The following HNF4A variants were observed in gnomAD, a reference collection of about 807,000 sequenced individuals.
HNF4A encodes the protein hepatocyte nuclear factor 4 alpha.
Under a neutral mutation model 52.4 loss-of-function variants are expected in HNF4A, and 15 were observed. The observed-to-expected ratio is 0.29, with a 90% confidence interval of 0.19 to 0.44. The LOEUF (loss-of-function observed/expected upper bound fraction) is 0.44, where lower values mean the gene tolerates loss of function less well. Ranked by LOEUF, HNF4A falls within the 20% of genes least tolerant of loss-of-function variation. HNF4A has a pLI of 1.00. For missense variants in HNF4A, 479 were observed against 647.2 expected, an observed-to-expected ratio of 0.74 and a Z score of 2.82; for synonymous variants, 280 against 264.4, an observed-to-expected ratio of 1.06 and a Z score of -0.57.
chr20:44,422,561 T>G (rs2078225127), intron 7 of HNF4A, among the ~76,000 whole-genome samples: 1 of 151,956 alleles, frequency 6.6e-6, no homozygotes, highest in Non-Finnish European at 1.5e-5. Context: ...TATGACCGCT[T>G]AAGTTCCTTT....
At chr20:44,356,521 CT>C (rs1190183858) in intron 1 of HNF4A, among the ~76,000 whole-genome samples, 1 of 152,154 alleles carries the variant, frequency 6.6e-6, no homozygotes, top group East Asian at 1.9e-4. Flanking sequence ...CGTGAGACGT[CT>C]TTACAGTGGA....
At chr20:44,407,216 G>T (rs1390104186) in intron 2 of HNF4A, among the ~76,000 whole-genome samples, 165 bp from the exon 3 acceptor site, 2 of 152,152 alleles carry the variant, frequency 1.3e-5, no homozygotes, top group African/African-American at 2.4e-5. Flanking sequence ...CTCTTAGAGA[G>T]TTCATAGCAC....
At chr20:44,381,558 C>T (rs1226381469) in intron 1 of HNF4A, among the ~76,000 whole-genome samples, 2 of 152,112 alleles carry the variant, frequency 1.3e-5, no homozygotes, top group Admixed American at 6.6e-5. Flanking sequence ...GCTGAGATTA[C>T]AGGCGTGAGC....
chr20:44,385,368 T>A (rs917094042), intron 1 of HNF4A, among the ~76,000 whole-genome samples: 1 of 152,012 alleles, frequency 6.6e-6, no homozygotes, highest in Non-Finnish European at 1.5e-5. Context: ...CTGCCTTTAA[T>A]CCCAGCACTT....
At chr20:44,403,917 C>T (rs1249520654) in intron 1 of HNF4A, among the ~76,000 whole-genome samples, 1 of 152,152 alleles carries the variant, frequency 6.6e-6, no homozygotes, top group African/African-American at 2.4e-5. Flanking sequence ...TGCTGAATGG[C>T]CAGGAGCTGT....
chr20:44,364,013 G>T (rs1170886243), intron 1 of HNF4A, among the ~76,000 whole-genome samples: 1 of 151,930 alleles, frequency 6.6e-6, no homozygotes, highest in African/African-American at 2.4e-5. Flanking sequence ...TTGAGAAATG[G>T]AGGTATGACA....
At chr20:44,375,049 G>T (rs1269719693) in intron 1 of HNF4A, among the ~76,000 whole-genome samples, 1 of 152,002 alleles carries the variant, frequency 6.6e-6, no homozygotes, top group Non-Finnish European at 1.5e-5. Context: ...GATATCAAGG[G>T]TGGGGACAAA....
In HNF4A at chr20:44,364,164, C is replaced by T. The variant is rs141599554; in HGVS notation, c.49+8311C>T. Among the ~76,000 whole-genome samples the T allele has an allele frequency of 4.7e-3, 713 of 152,246 alleles. 4 individuals are homozygous for T. Among genetic ancestry groups the T allele is most frequent in the African/African-American group, 0.016 (674 of 41,562 alleles). On this transcript the variant is annotated intron_variant, in intron 1 of 9. Coordinates refer to the HNF4A transcript ENST00000316673. ...GCTTAGCCTCTCCCCACCCTTCAAC[C>T]TCTGGCTCCATCAGAGACACTTCTT...
intron 1 of HNF4A, among the ~76,000 whole-genome samples, chr20:44,375,016 T>C (rs1000910997): frequency 6.6e-6 from 1 of 152,204 alleles, no homozygotes; most frequent in Non-Finnish European, 1.5e-5. Flanking sequence ...TTTTTTTGAC[T>C]TTTTAATGAC....
chr20:44,356,003 C>T (rs539841375), intron 1 of HNF4A, 150 bp downstream of exon 1: 4 of 691,668 alleles, frequency 5.8e-6, no homozygotes, highest in East Asian at 2.7e-5. Context: ...GCAATGTGAC[C>T]GCTTCCCTAA....
intron 1 of HNF4A, among the ~76,000 whole-genome samples, chr20:44,385,009 G>C (rs1314141523): frequency 1.4e-5 from 2 of 143,110 alleles, no homozygotes; most frequent in Non-Finnish European, 3.0e-5. Context: ...TTTGGGTGGG[G>C]AGGTGGGGAT....
chr20:44,369,249 CAA>C (rs751374772), intron 1 of HNF4A, among the ~76,000 whole-genome samples: 722 of 24,674 alleles, frequency 0.029, no homozygotes, highest in Non-Finnish European at 0.04. Context: ...AACTCCATCT[CAA>C]AAAAAAAAAA....
At chr20:44,414,689 G>C (rs1489762206) in intron 5 of HNF4A, 27 bp downstream of exon 5, 5 of 1,581,890 alleles carry the variant, frequency 3.2e-6, no homozygotes, top group Non-Finnish European at 4.3e-6. Context: ...ATGGTGGGCA[G>C]TAGTGGGCAG....
Position 44,429,507 on chromosome 20 carries a change from CTGTT to C in HNF4A, c.1283-12_1283-9del, listed in dbSNP as rs756340907. 2.9e-5 allele frequency: 47 copies of C among 1,614,134 alleles called. No individual in the cohort carries two copies. The highest frequency in any genetic ancestry group is 3.2e-5 in the Non-Finnish European group (38 of 1,180,018). On this transcript the variant is annotated splice_polypyrimidine_tract_variant and intron_variant, in intron 9 of 9. Transcript: ENST00000316099. ...GGAATTTTGAGCAGCCCCTGTCTGT[CTGTT>C]TGTCCTTCCAGCCACCCCTGAGACC...
intron 8 of HNF4A, among the ~76,000 whole-genome samples, chr20:44,426,430 G>C (rs962132225): frequency 2.0e-5 from 3 of 152,102 alleles, no homozygotes; most frequent in Non-Finnish European, 4.4e-5. Flanking sequence ...GACTATGAAG[G>C]GGAGTATGAA....
intron 6 of HNF4A, among the ~76,000 whole-genome samples, chr20:44,418,948 G>A (rs564247987): frequency 1.3e-5 from 2 of 152,190 alleles, no homozygotes; most frequent in East Asian, 3.9e-4. Context: ...GCTAATTTTT[G>A]TATTTTTAGT....
chr20:44,432,205 A>C lies in HNF4A; in HGVS notation c.*2540A>C, dbSNP rs2063885726. ...GAACAATCTGTTGGAGCAGGGGGTC[A>C]GTTCTCTGCTGGGAATCTACCCCTT... On this transcript the variant is annotated 3_prime_UTR_variant, in exon 10 of 10. Transcript: ENST00000316099. The C allele has an allele frequency of 6.6e-6, 1 of 152,186 alleles. No homozygotes were observed. The highest frequency in any genetic ancestry group is 2.4e-5 in the African/African-American group (1 of 41,442). 9.4% of individuals were successfully genotyped at this position (152,186 alleles called of 1,614,324 possible). A position where few individuals can be genotyped will look rare whatever the true frequency, so the allele number is the denominator to read the frequency against.
upstream of HNF4A, among the ~76,000 whole-genome samples, chr20:44,399,223 G>T (rs913035050): frequency 6.6e-6 from 1 of 152,190 alleles, no homozygotes; most frequent in African/African-American, 2.4e-5. Context: ...AGTGTGGGTT[G>T]CAGGGGGCTG....
chr20:44,385,329 A>G (rs983722673), intron 1 of HNF4A, among the ~76,000 whole-genome samples: 1 of 151,778 alleles, frequency 6.6e-6, no homozygotes, highest in African/African-American at 2.4e-5. Context: ...GAAGCTCATT[A>G]AACACTTGGG....
Sources: allele counts gnomAD v4.1 joint callset (sites outside exome capture counted in the v4.1 genomes callset), GRCh38; gene constraint gnomAD v4.1.1; transcripts MANE v1.5; gene names NCBI Gene and HGNC (gene_info 2026-07-23, HGNC 2026-07-21).